Variants in NPAS2 observed in about 807,000 individuals in gnomAD.
NPAS2 encodes neuronal PAS domain protein 2.
In NPAS2, 23 loss-of-function variants were observed where a neutral mutation model predicts 107.5. That is an observed-to-expected ratio of 0.21 (90% CI 0.15 to 0.30). The LOEUF (loss-of-function observed/expected upper bound fraction) is 0.30. Among genes scored for constraint, NPAS2 ranks in the 10% least tolerant of loss-of-function variants. The probability of loss-of-function intolerance (pLI) is 1.00; values close to 1 mark genes in which losing one functional copy is unlikely to be tolerated. For missense variants in NPAS2, 756 were observed against 1,043.3 expected (o/e 0.72, Z 3.79); for synonymous variants, 403 against 417.5 (o/e 0.97, Z 0.42).
At chr2:100,913,310 C>T (rs1682668276) in intron 2 of NPAS2, among the ~76,000 whole-genome samples, 1 of 152,158 alleles carries the variant, frequency 6.6e-6, no homozygotes, top group African/African-American at 2.4e-5. Context: ...CATAGCTTTC[C>T]AACTTGATTG....
intron 1 of NPAS2, among the ~76,000 whole-genome samples, chr2:100,888,813 G>A (rs972747584): frequency 2.0e-5 from 3 of 152,034 alleles, no homozygotes; most frequent in Non-Finnish European, 2.9e-5. Flanking sequence ...TGACTCAGGC[G>A]GACATGTCTT....
chr2:100,878,242 A>T (rs1018083604), intron 1 of NPAS2: 12 of 985,302 alleles, frequency 1.2e-5, no homozygotes, highest in Non-Finnish European at 1.1e-5. Context: ...AGGCAAAAAA[A>T]TATAGAGGAC....
intron 17 of NPAS2, chr2:100,988,786 C>T (rs573829194): frequency 3.5e-5 from 9 of 258,042 alleles, no homozygotes; most frequent in Admixed American, 6.0e-5. Context: ...CCTGCTCCTC[C>T]AGGCCCCCAT....
At chr2:100,995,237 AC>A (rs1026880342) in intron 20 of NPAS2, 162 bp from the exon 21 acceptor site, 20 of 522,114 alleles carry the variant, frequency 3.8e-5, no homozygotes, top group African/African-American at 2.5e-4. Context: ...CATCCCCACC[AC>A]ACCCCCAGGT....
intron 1 of NPAS2, among the ~76,000 whole-genome samples, chr2:100,897,114 A>G (rs975529376): frequency 2.6e-5 from 4 of 151,894 alleles, no homozygotes; most frequent in Admixed American, 6.6e-5. Flanking sequence ...AAACCATCAG[A>G]TCTCATGAGC....
chr2:100,979,236 C>G (rs1169260268), intron 15 of NPAS2, among the ~76,000 whole-genome samples: 1 of 151,364 alleles, frequency 6.6e-6, no homozygotes, highest in South Asian at 2.1e-4. Flanking sequence ...CCTCATTAGG[C>G]CAAAAGAAAA....
At chr2:100,843,257 C>T (rs1399749027) in intron 1 of NPAS2, among the ~76,000 whole-genome samples, 1 of 152,040 alleles carries the variant, frequency 6.6e-6, no homozygotes, top group African/African-American at 2.4e-5. Flanking sequence ...CCTGGTGTCC[C>T]CACTTTTGGT....
rs904102261 is a variant in NPAS2 at position 100,949,542 on chromosome 2, G to A, written c.598+62G>A. The stretch of plus-strand genomic sequence containing the variant: ...TTTCTCATGCAAACGTGCACATGGG[G>A]GCATTAAGAATCGCCCAGGGAGGAG... On this transcript the variant is annotated intron_variant, in intron 7 of 20. Coordinates refer to ENST00000335681, the MANE Select transcript of NPAS2 (RefSeq NM_002518.4). 2.2e-5 allele frequency: 22 copies of A among 981,900 alleles called. No homozygotes were observed. The African/African-American group carries it at 3.4e-4, about 15-fold the overall frequency. The allele number at this position is 981,900 out of a possible 1,614,324, so 60.8% of individuals were successfully genotyped here.
chr2:100,965,594 G>C lies in NPAS2; in HGVS notation c.801-66G>C. 2 of 985,354 alleles carry C rather than the reference G, an allele frequency of 2.0e-6. No homozygotes were observed. The highest frequency in any genetic ancestry group is 4.0e-5 in the Admixed American group (2 of 50,516). The allele number at this position is 985,354 out of a possible 1,614,324, so 61.0% of individuals were successfully genotyped here. The stretch of plus-strand genomic sequence containing the variant: ...CATGTTGATCATTATGGAAAGGCAT[G>C]GCCACCAGGGTGAGCCCTGCAGGGT... On this transcript the variant is annotated intron_variant, in intron 9 of 20. Coordinates refer to ENST00000335681, the MANE Select transcript of NPAS2 (RefSeq NM_002518.4). The surrounding 1 kb of genome is among the most constrained non-coding windows in gnomAD (Gnocchi z 4.3).
At chr2:100,893,269 C>G (rs1322298695) in intron 1 of NPAS2, among the ~76,000 whole-genome samples, 6 of 152,212 alleles carry the variant, frequency 3.9e-5, no homozygotes, top group Non-Finnish European at 7.3e-5. Flanking sequence ...GGTCCCCTCA[C>G]CAGGGACTGG....
chr2:100,840,202 ATGTC>A (rs1677308869), intron 1 of NPAS2, among the ~76,000 whole-genome samples: 1 of 152,164 alleles, frequency 6.6e-6, no homozygotes, highest in South Asian at 2.1e-4. Context: ...CAGGGGTCGA[ATGTC>A]TGTCCTCTGG....
chr2:100,928,107 A>T (rs1474723924), intron 3 of NPAS2, among the ~76,000 whole-genome samples: 1 of 152,126 alleles, frequency 6.6e-6, no homozygotes, highest in African/African-American at 2.4e-5. Flanking sequence ...TTCTTTGATG[A>T]TCATATATAC....
At chr2:100,868,497 G>T (rs1405734718) in intron 1 of NPAS2, among the ~76,000 whole-genome samples, 2 of 152,156 alleles carry the variant, frequency 1.3e-5, no homozygotes, top group African/African-American at 2.4e-5. Context: ...TCTGCTTGGG[G>T]TTGTTAGGCT....
At chr2:100,989,969 G>A in intron 17 of NPAS2, 1 of 392,992 alleles carries the variant, frequency 2.5e-6, no homozygotes, top group South Asian at 3.8e-5. Context: ...TGGAGAAACA[G>A]CCAGGAGGGC....
chr2:100,959,396 C>T (rs1044313086), intron 7 of NPAS2, among the ~76,000 whole-genome samples: 3 of 152,298 alleles, frequency 2.0e-5, no homozygotes, highest in Non-Finnish European at 4.4e-5. Context: ...ATCAAATATG[C>T]CCTGGGTAAG....
intron 1 of NPAS2, among the ~76,000 whole-genome samples, chr2:100,832,617 C>T (rs770956502): frequency 2.0e-5 from 3 of 152,114 alleles, no homozygotes; most frequent in Admixed American, 6.5e-5. Context: ...TTTCTCCTCT[C>T]GCCATGCCTG....
intron 1 of NPAS2, among the ~76,000 whole-genome samples, chr2:100,829,186 GTT>G (rs61069926): frequency 0.044 from 6,151 of 140,420 alleles, 333 homozygotes; most frequent in East Asian, 0.3. Flanking sequence ...GTGTTTTGTT[GTT>G]TTTTTTTTTT....
chr2:100,826,692 G>A (rs951699805), intron 1 of NPAS2, among the ~76,000 whole-genome samples: 4 of 143,914 alleles, frequency 2.8e-5, no homozygotes, highest in African/African-American at 1.2e-4. Context: ...TACATTTCAA[G>A]ATTTTCTAGG....
chr2:100,944,872 C>A (rs1397713371), intron 5 of NPAS2, among the ~76,000 whole-genome samples: 1 of 152,150 alleles, frequency 6.6e-6, no homozygotes, highest in South Asian at 2.1e-4. Flanking sequence ...ACAGGTGACC[C>A]GGCCAGGCAG....
Sources: allele counts gnomAD v4.1 joint callset (sites outside exome capture counted in the v4.1 genomes callset), GRCh38; gene constraint gnomAD v4.1.1; non-coding constraint Gnocchi (gnomAD v3.1); transcripts MANE v1.5; gene names NCBI Gene and HGNC (gene_info 2026-07-23, HGNC 2026-07-21).